Variants in TAFA4 observed in about 807,000 individuals in gnomAD.
TAFA4 encodes chemokine-like protein TAFA-4.
In TAFA4, 20 loss-of-function variants were observed where a neutral mutation model predicts 21.1. That is an observed-to-expected ratio of 0.95 (90% CI 0.67 to 1.38). The LOEUF (loss-of-function observed/expected upper bound fraction) is 1.38, where lower values mean the gene tolerates loss of function less well. Among genes scored for constraint, TAFA4 ranks in the 40% most tolerant of loss-of-function variants. The pLI, the probability that TAFA4 is intolerant of heterozygous loss-of-function variation, is 0.00. For missense variants in TAFA4, 211 were observed against 180.9 expected (o/e 1.17, Z -0.95); for synonymous variants, 71 against 67.4 (o/e 1.05, Z -0.26).
At chr3:68,883,374 C>T (rs928888786) in intron 2 of TAFA4, among the ~76,000 whole-genome samples, 1 of 152,224 alleles carries the variant, frequency 6.6e-6, no homozygotes, top group Non-Finnish European at 1.5e-5. Flanking sequence ...GCTCAGTCCC[C>T]TTTTAGGGCT....
chr3:68,733,303 A>C, intron 5 of TAFA4, 150 bp from the exon 6 acceptor site: 1 of 1,035,042 alleles, frequency 9.7e-7, no homozygotes, highest in Non-Finnish European at 1.4e-6. Flanking sequence ...AACAGTTCAA[A>C]TTCTGCTTTG....
At chr3:68,899,091 C>T (rs998071813) in intron 1 of TAFA4, among the ~76,000 whole-genome samples, 2 of 152,180 alleles carry the variant, frequency 1.3e-5, no homozygotes, top group Non-Finnish European at 2.9e-5. Context: ...GTAGGAAATA[C>T]ATCACATAAA....
At chr3:68,792,938 A>C (rs1703389976) in intron 3 of TAFA4, among the ~76,000 whole-genome samples, 1 of 152,158 alleles carries the variant, frequency 6.6e-6, no homozygotes, top group Non-Finnish European at 1.5e-5. Context: ...CATCTACACA[A>C]AGGTAAAAAG....
chr3:68,806,875 G>A (rs758221325), intron 3 of TAFA4, among the ~76,000 whole-genome samples: 1 of 152,130 alleles, frequency 6.6e-6, no homozygotes, highest in Non-Finnish European at 1.5e-5. Context: ...TGTGAGAAAT[G>A]AATTTCTGTC....
At chr3:68,865,463 G>A (rs1196349798) in intron 3 of TAFA4, among the ~76,000 whole-genome samples, 5 of 151,932 alleles carry the variant, frequency 3.3e-5, no homozygotes, top group African/African-American at 4.8e-5. Flanking sequence ...TAAGTCTCAC[G>A]AGATCTGATG....
At chr3:68,827,131 T>C (rs548412243) in intron 3 of TAFA4, among the ~76,000 whole-genome samples, 1 of 151,086 alleles carries the variant, frequency 6.6e-6, no homozygotes, top group Non-Finnish European at 1.5e-5. Flanking sequence ...TGAGAATATG[T>C]AGTGTTTGGT....
intron 4 of TAFA4, among the ~76,000 whole-genome samples, chr3:68,742,107 T>TA (rs1457074388): frequency 2.0e-5 from 3 of 152,128 alleles, no homozygotes; most frequent in Non-Finnish European, 4.4e-5. Flanking sequence ...GAATGAAGGA[T>TA]AAAAATCATA....
At chr3:68,866,667 A>G (rs2089423581) in intron 3 of TAFA4, among the ~76,000 whole-genome samples, 1 of 148,266 alleles carries the variant, frequency 6.7e-6, no homozygotes, top group African/African-American at 2.5e-5. Flanking sequence ...AAAAAAAAAA[A>G]AAAAAAAAAA....
At chr3:68,844,816 A>G (rs114571234) in intron 3 of TAFA4, among the ~76,000 whole-genome samples, 1,694 of 152,228 alleles carry the variant, frequency 0.011, 30 homozygotes, top group African/African-American at 0.039. Context: ...GTTTCCATGC[A>G]TTTGCGTGGT....
At chr3:68,852,274 A>G (rs1704968729) in intron 3 of TAFA4, among the ~76,000 whole-genome samples, 1 of 152,126 alleles carries the variant, frequency 6.6e-6, no homozygotes, top group Admixed American at 6.5e-5. Flanking sequence ...TGGCTGACAG[A>G]ATTAATGAGT....
At chr3:68,736,540 C>T (rs1410820180) in intron 5 of TAFA4, among the ~76,000 whole-genome samples, 1 of 152,050 alleles carries the variant, frequency 6.6e-6, no homozygotes, top group Non-Finnish European at 1.5e-5. Flanking sequence ...GACCATCTTA[C>T]CTTTAGCTTT....
At chr3:68,880,326 G>C (rs980376529) in intron 3 of TAFA4, among the ~76,000 whole-genome samples, 1 of 151,848 alleles carries the variant, frequency 6.6e-6, no homozygotes, top group Non-Finnish European at 1.5e-5. Context: ...CTTCACTAAA[G>C]CCCTGTAAGT....
intron 4 of TAFA4, among the ~76,000 whole-genome samples, chr3:68,741,087 CA>C (rs1248306997): frequency 2.5e-4 from 38 of 152,298 alleles, no homozygotes; most frequent in African/African-American, 8.7e-4. Flanking sequence ...TGTGTGCCTC[CA>C]ACTCTGTTCT....
chr3:68,754,827 G>A (rs926847839), intron 3 of TAFA4, among the ~76,000 whole-genome samples: 5 of 152,108 alleles, frequency 3.3e-5, no homozygotes, highest in Non-Finnish European at 5.9e-5. Context: ...ATCTGGGGAG[G>A]AGGAGACCCT....
intron 3 of TAFA4, among the ~76,000 whole-genome samples, chr3:68,878,570 G>A (rs1349655616): frequency 6.6e-6 from 1 of 152,060 alleles, no homozygotes; most frequent in African/African-American, 2.4e-5. Context: ...AGGAACAAAA[G>A]GACAAATTGC....
intron 3 of TAFA4, among the ~76,000 whole-genome samples, chr3:68,788,204 C>G (rs558514299): frequency 1.3e-5 from 2 of 152,288 alleles, no homozygotes; most frequent in East Asian, 3.9e-4. Context: ...TAGCTCCAGC[C>G]TCAATCATCT....
chr3:68,840,327 C>T (rs1322151860), intron 3 of TAFA4, among the ~76,000 whole-genome samples: 2 of 152,146 alleles, frequency 1.3e-5, no homozygotes, highest in Non-Finnish European at 1.5e-5. Flanking sequence ...CCCACCTCAG[C>T]CCCTCCATAT....
At chr3:68,914,245 G>A (rs1180115757) in intron 1 of TAFA4, among the ~76,000 whole-genome samples, 1 of 152,064 alleles carries the variant, frequency 6.6e-6, no homozygotes, top group Non-Finnish European at 1.5e-5. Flanking sequence ...AAAAACTTAG[G>A]GAACAATATA....
intron 3 of TAFA4, among the ~76,000 whole-genome samples, chr3:68,827,899 G>T (rs978123828): frequency 3.3e-5 from 5 of 152,120 alleles, no homozygotes; most frequent in Admixed American, 1.3e-4. Context: ...GATCCCATTT[G>T]TCAAGTTTGG....
Sources: allele counts gnomAD v4.1 joint callset (sites outside exome capture counted in the v4.1 genomes callset), GRCh38; gene constraint gnomAD v4.1.1; transcripts MANE v1.5; gene names NCBI Gene and HGNC (gene_info 2026-07-23, HGNC 2026-07-21).